The following NAV2 variants were observed in gnomAD, a reference collection of about 807,000 sequenced individuals.
The protein encoded by NAV2 is neuron navigator 2, also known as helicase, APC down-regulated 1.
NAV2 carries 54 observed loss-of-function variants against 223.2 expected under a neutral mutation model. That is an observed-to-expected ratio of 0.24 (90% CI 0.19 to 0.30). NAV2 has a LOEUF of 0.30. Ranked by LOEUF, NAV2 falls within the 10% of genes least tolerant of loss-of-function variation. The probability of loss-of-function intolerance (pLI) is 1.00; values close to 1 mark genes in which losing one functional copy is unlikely to be tolerated. For synonymous variants in NAV2, 1,279 were observed against 1,239.3 expected (o/e 1.03, Z -0.67); for missense variants, 2,806 against 3,147.5 (o/e 0.89, Z 2.60).
chr11:19,646,158 G>A (rs991003588), intron 1 of NAV2, among the ~76,000 whole-genome samples: 4 of 152,184 alleles, frequency 2.6e-5, no homozygotes, highest in East Asian at 1.9e-4. Context: ...CCAGGGCTGG[G>A]GGCTTCAGCC....
chr11:19,748,987 T>G (rs974464385), intron 1 of NAV2, among the ~76,000 whole-genome samples: 2 of 152,168 alleles, frequency 1.3e-5, no homozygotes, highest in African/African-American at 4.8e-5. Context: ...TAACTCTCAG[T>G]TTGTGTTGTT....
At chr11:19,814,474 T>C (rs1024967363) in intron 1 of NAV2, among the ~76,000 whole-genome samples, 2 of 152,184 alleles carry the variant, frequency 1.3e-5, no homozygotes, top group African/African-American at 4.8e-5. Context: ...GAGAATCCAT[T>C]TGGGAGCATG....
At chr11:19,603,894 A>AAGGG (rs1380451705) in intron 1 of NAV2, among the ~76,000 whole-genome samples, 4 of 152,082 alleles carry the variant, frequency 2.6e-5, no homozygotes, top group Non-Finnish European at 5.9e-5. Flanking sequence ...AGCCTGAAGG[A>AAGGG]AGGGAGGGAG....
intron 6 of NAV2, among the ~76,000 whole-genome samples, chr11:19,931,473 T>C (rs940505436): frequency 2.6e-5 from 4 of 152,060 alleles, no homozygotes; most frequent in African/African-American, 9.7e-5. Flanking sequence ...CACGGCACGG[T>C]GCTCACGCCC....
upstream of NAV2, among the ~76,000 whole-genome samples, chr11:19,709,647 C>A (rs112111920): frequency 6.7e-6 from 1 of 150,226 alleles, no homozygotes; most frequent in Non-Finnish European, 1.5e-5. Context: ...CCAGCCTGAC[C>A]AATATGACGA....
chr11:19,817,993 C>G (rs1269677742), intron 1 of NAV2, among the ~76,000 whole-genome samples: 1 of 152,068 alleles, frequency 6.6e-6, no homozygotes, highest in Non-Finnish European at 1.5e-5. Context: ...GCCTTCTTGC[C>G]CACCCAGATA....
intron 1 of NAV2, among the ~76,000 whole-genome samples, chr11:19,614,030 T>C (rs972419465): frequency 6.6e-6 from 1 of 152,186 alleles, no homozygotes; most frequent in Non-Finnish European, 1.5e-5. Context: ...GTGAGCTTCC[T>C]TCCTTCAGGG....
chr11:19,547,332 A>G (rs550001656), intron 1 of NAV2, among the ~76,000 whole-genome samples: 24 of 152,338 alleles, frequency 1.6e-4, no homozygotes, highest in African/African-American at 5.5e-4. Flanking sequence ...ACCCACCCCC[A>G]AATGTAATGC....
chr11:20,087,151 G>A (rs539573668), intron 26 of NAV2, among the ~76,000 whole-genome samples: 2 of 152,164 alleles, frequency 1.3e-5, no homozygotes, highest in South Asian at 2.1e-4. Context: ...AGGAGAAACT[G>A]TTGCTGGAGG....
chr11:19,979,501 G>A (rs933025152), intron 10 of NAV2, among the ~76,000 whole-genome samples: 1 of 152,180 alleles, frequency 6.6e-6, no homozygotes, highest in Non-Finnish European at 1.5e-5. Flanking sequence ...GGTTATCCAT[G>A]TGTCTAGATG....
intron 1 of NAV2, among the ~76,000 whole-genome samples, chr11:19,469,927 G>A (rs979585655): frequency 1.6e-4 from 25 of 152,224 alleles, no homozygotes; most frequent in African/African-American, 5.8e-4. Flanking sequence ...GCAGCCACCT[G>A]TGCCTTTTCA....
chr11:19,809,251 G>T (rs748747894), intron 1 of NAV2, among the ~76,000 whole-genome samples: 2 of 152,138 alleles, frequency 1.3e-5, no homozygotes, highest in Non-Finnish European at 2.9e-5. Flanking sequence ...CATGTATGTT[G>T]TTTGTGTGTT....
At chr11:19,582,681 T>C (rs887510942) in intron 1 of NAV2, among the ~76,000 whole-genome samples, 13 of 151,822 alleles carry the variant, frequency 8.6e-5, no homozygotes, top group Non-Finnish European at 1.6e-4. Context: ...GTTGTAGATA[T>C]GTGGCATTAT....
In NAV2 at chr11:19,427,987, T is replaced by A. The variant is rs569599152; in HGVS notation, c.75+76960T>A. 2.0e-5 allele frequency among the ~76,000 whole-genome samples: 3 copies of A among 152,306 alleles called. No individual in the cohort carries two copies. The South Asian group carries it at 6.2e-4, about 32-fold the overall frequency. On this transcript the variant is annotated intron_variant, in intron 1 of 37. Transcript: ENST00000360655. ...TGTTTTTGATTGTGTTTGGGGTATT[T>A]TTTTTAATGTAGCCAAATCAATCAT...
intron 1 of NAV2, among the ~76,000 whole-genome samples, chr11:19,752,257 G>A (rs1418017132): frequency 6.6e-6 from 1 of 152,136 alleles, no homozygotes; most frequent in African/African-American, 2.4e-5. Flanking sequence ...AGCCAGCAAT[G>A]GGAGAAGCTG....
chr11:19,809,941 C>A (rs764653325), intron 1 of NAV2, among the ~76,000 whole-genome samples: 1 of 152,180 alleles, frequency 6.6e-6, no homozygotes, highest in Non-Finnish European at 1.5e-5. Flanking sequence ...TTTATGTTAA[C>A]CTCGATCACC....
chr11:19,499,936 A>G (rs1258958488), intron 1 of NAV2, among the ~76,000 whole-genome samples: 1 of 152,092 alleles, frequency 6.6e-6, no homozygotes, highest in East Asian at 1.9e-4. Flanking sequence ...TTTTCTCTGT[A>G]GTAAATTGAC....
chr11:19,782,054 C>G (rs1173598490), intron 1 of NAV2, among the ~76,000 whole-genome samples: 1 of 152,202 alleles, frequency 6.6e-6, no homozygotes, highest in Non-Finnish European at 1.5e-5. Context: ...ACTTCTAGGA[C>G]TTTCTCCTGC....
intron 1 of NAV2, among the ~76,000 whole-genome samples, chr11:19,730,681 C>T (rs2051694264): frequency 6.6e-6 from 1 of 152,250 alleles, no homozygotes; most frequent in Non-Finnish European, 1.5e-5. Flanking sequence ...CCTCAGGCTA[C>T]AGCCGCTCTT....
Sources: allele counts gnomAD v4.1 joint callset (sites outside exome capture counted in the v4.1 genomes callset), GRCh38; gene constraint gnomAD v4.1.1; transcripts MANE v1.5; gene names NCBI Gene and HGNC (gene_info 2026-07-23, HGNC 2026-07-21).